RTL4: variants seen among roughly 807,000 people sequenced by gnomAD.
RTL4 encodes the protein retrotransposon Gag-like protein 4.
RTL4 carries 4 observed loss-of-function variants against 5.3 expected under a neutral mutation model. The ratio of observed to expected loss-of-function variants is 0.75; its 90% CI spans 0.37 to 1.72. The LOEUF is 1.72. Ranked by LOEUF, RTL4 falls within the 40% of genes most tolerant of loss-of-function variation. RTL4 has a pLI of 0.04. For missense variants in RTL4, 260 were observed against 227.1 expected (o/e 1.14, Z -0.93); for synonymous variants, 98 against 87.3 (o/e 1.12, Z -0.68).
chrX:112,364,929 C>T, the RTL4 span, among the ~76,000 whole-genome samples: 2 of 111,616 alleles, frequency 1.8e-5, no homozygotes, highest in African/African-American at 3.3e-5. Context: ...GTGTGTTACA[C>T]ACTGTGCCAG....
the RTL4 span, among the ~76,000 whole-genome samples, chrX:112,288,465 C>A: frequency 3.6e-5 from 4 of 111,866 alleles, no homozygotes; most frequent in Non-Finnish European, 7.5e-5. Context: ...TTCAAGTGTG[C>A]CAATATTCAA....
the RTL4 span, among the ~76,000 whole-genome samples, chrX:112,298,231 C>T: frequency 8.9e-6 from 1 of 112,183 alleles, no homozygotes; most frequent in Admixed American, 9.5e-5. Flanking sequence ...TATTTATTGT[C>T]TACTATGTGA....
chrX:112,368,357 G>A, the RTL4 span, among the ~76,000 whole-genome samples: 1 of 111,830 alleles, frequency 8.9e-6, no homozygotes, highest in African/African-American at 3.2e-5. Flanking sequence ...TATCTGGCAC[G>A]GACACAAAGT....
At chrX:112,395,193 A>G in the RTL4 span, among the ~76,000 whole-genome samples, 2 of 111,957 alleles carry the variant, frequency 1.8e-5, no homozygotes, top group Admixed American at 1.9e-4. Context: ...TTCATTCCTC[A>G]CATACAGAAA....
At chrX:112,329,193 A>G in the RTL4 span, among the ~76,000 whole-genome samples, 2 of 111,310 alleles carry the variant, frequency 1.8e-5, no homozygotes, top group African/African-American at 3.3e-5. Context: ...ACACAAAAAA[A>G]CCTTCAAAAA....
the RTL4 span, among the ~76,000 whole-genome samples, chrX:112,294,614 C>CCAAAA: frequency 2.7e-5 from 3 of 111,222 alleles, no homozygotes; most frequent in South Asian, 3.8e-4. Context: ...ACAAACCAAA[C>CCAAAA]CAAAACAAAA....
chrX:112,250,679 A>C, the RTL4 span, among the ~76,000 whole-genome samples: 2 of 112,505 alleles, frequency 1.8e-5, no homozygotes, highest in African/African-American at 6.5e-5. Flanking sequence ...AACTAGAAGT[A>C]CTGTTTTGTT....
chrX:112,403,983 A>C, the RTL4 span, among the ~76,000 whole-genome samples: 6 of 112,425 alleles, frequency 5.3e-5, no homozygotes, highest in East Asian at 1.1e-3. Flanking sequence ...AAGAAACAAA[A>C]GGTGCTCATT....
the RTL4 span, among the ~76,000 whole-genome samples, chrX:112,123,313 A>G: frequency 8.9e-6 from 1 of 112,491 alleles, no homozygotes; most frequent in Non-Finnish European, 1.9e-5. Flanking sequence ...ATATGCAACT[A>G]CAAGTTACAC....
At chrX:112,240,532 T>C in the RTL4 span, among the ~76,000 whole-genome samples, 1 of 111,646 alleles carries the variant, frequency 9.0e-6, no homozygotes, top group Non-Finnish European at 1.9e-5. Flanking sequence ...TTGTTAAACA[T>C]CTCATGTGAT....
the RTL4 span, among the ~76,000 whole-genome samples, chrX:112,206,066 G>A: frequency 8.9e-6 from 1 of 111,765 alleles, no homozygotes; most frequent in Non-Finnish European, 1.9e-5. Flanking sequence ...CTTCTCTTAA[G>A]CTGGTAGAGG....
chrX:112,361,650 G>A, the RTL4 span, among the ~76,000 whole-genome samples: 3 of 110,780 alleles, frequency 2.7e-5, no homozygotes, highest in Non-Finnish European at 5.7e-5. Context: ...ATCCGAGGGA[G>A]AGATTCCTCT....
chrX:112,233,562 A>C, the RTL4 span, among the ~76,000 whole-genome samples: 144 of 111,399 alleles, frequency 1.3e-3, no homozygotes, highest in African/African-American at 4.5e-3. Flanking sequence ...GGACTTTAAA[A>C]ATCTTTCTAT....
At chrX:112,410,569 T>C in the RTL4 span, among the ~76,000 whole-genome samples, 1 of 111,765 alleles carries the variant, frequency 8.9e-6, no homozygotes, top group African/African-American at 3.2e-5. Context: ...GAGGAATCAA[T>C]AACAAGAGGA....
exon 1 of RTL4, chrX:112,455,677 G>A: frequency 8.5e-7 from 1 of 1,176,764 alleles, no homozygotes; most frequent in Non-Finnish European, 1.1e-6. Flanking sequence ...GACCAGGAAA[G>A]TCACTTTTTA....
At chrX:112,314,397 G>A in the RTL4 span, among the ~76,000 whole-genome samples, 1 of 109,655 alleles carries the variant, frequency 9.1e-6, no homozygotes. Context: ...TTGCTGTTTG[G>A]TTGGAGGTGA....
the RTL4 span, among the ~76,000 whole-genome samples, chrX:112,212,868 A>G: frequency 8.9e-6 from 1 of 112,446 alleles, no homozygotes; most frequent in African/African-American, 3.2e-5. Context: ...TGAAGCTGCT[A>G]TACATAATTA....
At chrX:112,243,318 T>C in the RTL4 span, among the ~76,000 whole-genome samples, 1 of 111,126 alleles carries the variant, frequency 9.0e-6, no homozygotes, top group Admixed American at 9.6e-5. Flanking sequence ...TGTGAACCCA[T>C]CTGGTCCTGG....
the RTL4 span, among the ~76,000 whole-genome samples, chrX:112,113,610 C>T: frequency 9.0e-6 from 1 of 111,199 alleles, no homozygotes; most frequent in Non-Finnish European, 1.9e-5. Flanking sequence ...TGAGCTGGCG[C>T]TTGCTCCGGG....
Sources: allele counts gnomAD v4.1 joint callset (sites outside exome capture counted in the v4.1 genomes callset), GRCh38; gene constraint gnomAD v4.1.1; transcripts MANE v1.5; gene names NCBI Gene and HGNC (gene_info 2026-07-23, HGNC 2026-07-21).